DERA: variants seen among roughly 807,000 people sequenced by gnomAD.
DERA encodes the protein 2-deoxy-D-ribose 5-phosphate aldolase.
A neutral mutation model predicts 41.1 loss-of-function variants in DERA; 15 were observed. The ratio of observed to expected loss-of-function variants is 0.37; its 90% CI spans 0.24 to 0.56. The LOEUF (loss-of-function observed/expected upper bound fraction) is 0.56, where lower values mean the gene tolerates loss of function less well. Ranked by LOEUF, DERA falls within the 20% of genes least tolerant of loss-of-function variation. DERA has a pLI of 0.81. For missense variants in DERA, 396 were observed against 403.4 expected (o/e 0.98, Z 0.16); for synonymous variants, 139 against 137.4 (o/e 1.01, Z -0.08).
rs1027307669 is a variant in DERA, at chr12:15,976,324, A to G, written c.509-5984A>G. Reference sequence around the variant, plus strand: ...GGTTGTCTTCCTGGCTCTACTTGCCAAGTCCTCCCCAACCCCTAGAATTTT... The same window carrying G: ...GGTTGTCTTCCTGGCTCTACTTGCCGAGTCCTCCCCAACCCCTAGAATTTT... On this transcript the variant is annotated intron_variant, in intron 5 of 8. Coordinates refer to ENST00000428559, the MANE Select transcript of DERA (RefSeq NM_015954.4). This position sits in a 1 kb window ranked among gnomAD's most constrained non-coding sequence, Gnocchi z 4.1. Among the ~76,000 whole-genome samples, 1 of 152,138 alleles carries G rather than the reference A, an allele frequency of 6.6e-6. No individual in the cohort carries two copies. Among genetic ancestry groups the G allele is most frequent in the Non-Finnish European group, 1.5e-5 (1 of 68,026 alleles).
intron 1 of DERA, among the ~76,000 whole-genome samples, chr12:15,953,584 A>T (rs185862090): frequency 2.0e-5 from 3 of 152,292 alleles, no homozygotes; most frequent in Admixed American, 1.3e-4. Context: ...ATTTTAAGAG[A>T]AGATATCATT....
chr12:15,961,032 T>C (rs142513545), intron 4 of DERA, among the ~76,000 whole-genome samples: 89 of 152,304 alleles, frequency 5.8e-4, no homozygotes, highest in Non-Finnish European at 1.1e-3. Context: ...ATTCTGATGA[T>C]AGGGAAGACA....
rs73303389 is a variant in DERA, at chr12:16,011,696, A to G, written c.638-20846A>G. The stretch of plus-strand genomic sequence containing the variant: ...AATCCCTTCATCAATAAGGTCAGCT[A>G]TAGGAACTGGCCAAGAAGGAAAAAT... On this transcript the variant is annotated intron_variant, in intron 6 of 8. Transcript: ENST00000428559. This position sits in a 1 kb window ranked among gnomAD's most constrained non-coding sequence, Gnocchi z 4.7. Among the ~76,000 whole-genome samples, 2,709 of 152,340 alleles carry G rather than the reference A, an allele frequency of 0.018. 85 individuals carry two copies. Among genetic ancestry groups the G allele is most frequent in the African/African-American group, 0.062 (2,587 of 41,574 alleles).
chr12:15,977,370 GA>G (rs2136159053), intron 5 of DERA, among the ~76,000 whole-genome samples: 1 of 152,332 alleles, frequency 6.6e-6, no homozygotes, highest in African/African-American at 2.4e-5. Context: ...TTCCACGTAT[GA>G]AGACATGACT....
At position 15,990,078 on chromosome 12, in the gene DERA, A is replaced by G. The variant is rs1013152055; in HGVS notation, c.637+7642A>G. 6.6e-6 allele frequency among the ~76,000 whole-genome samples: 1 copy of G among 152,216 alleles called. No homozygotes were observed. The highest frequency in any genetic ancestry group is 2.4e-5 in the African/African-American group (1 of 41,456). ...AATAAAGTACTTTGCAAGTTATTGA[A>G]AAATATTAGTATACCTTCCTTCTCC... On this transcript the variant is annotated intron_variant, in intron 6 of 8. Coordinates refer to ENST00000428559, the MANE Select transcript of DERA (RefSeq NM_015954.4). This position sits in a 1 kb window ranked among gnomAD's most constrained non-coding sequence, Gnocchi z 4.3.
intron 1 of DERA, among the ~76,000 whole-genome samples, chr12:15,955,213 C>T (rs754240327): frequency 3.3e-5 from 5 of 151,078 alleles, no homozygotes; most frequent in African/African-American, 4.9e-5. Context: ...GGCATGAGTT[C>T]GTTTGAACCC....
At chr12:15,968,331 A>T (rs1198863671) in intron 5 of DERA, among the ~76,000 whole-genome samples, 1 of 152,210 alleles carries the variant, frequency 6.6e-6, no homozygotes, top group African/African-American at 2.4e-5. Flanking sequence ...GGAGAGTTTG[A>T]TGAATAAAGT....
Position 15,982,631 on chromosome 12 carries a change from T to G in DERA, c.637+195T>G, listed in dbSNP as rs369991079. On this transcript the variant is annotated intron_variant, in intron 6 of 8. Transcript: ENST00000428559. The surrounding 1 kb of genome is among the most constrained non-coding windows in gnomAD (Gnocchi z 4.0). ...TCCTGGCTTTCTTCCACATTTTTTT[T>G]TGTGTGTGTGTGGCATTTCATTGCT... is the stretch of plus-strand genomic sequence containing the variant. 3.7e-4 allele frequency among the ~76,000 whole-genome samples: 56 copies of G among 152,236 alleles called. No homozygotes were observed. Among genetic ancestry groups the G allele is most frequent in the East Asian group, 9.6e-4 (5 of 5,188 alleles).
Position 16,035,384 on chromosome 12 carries a change from G to T in DERA, c.751-848G>T, listed in dbSNP as rs935565584. Among the ~76,000 whole-genome samples, 3 of 152,192 alleles carry T rather than the reference G, an allele frequency of 2.0e-5. No homozygotes were observed. The highest frequency in any genetic ancestry group is 6.5e-5 in the Admixed American group (1 of 15,278). On this transcript the variant is annotated intron_variant, in intron 7 of 8. Coordinates refer to ENST00000428559, the MANE Select transcript of DERA (RefSeq NM_015954.4). The surrounding 1 kb of genome is among the most constrained non-coding windows in gnomAD (Gnocchi z 4.1). ...AGAGATTTAGTACTCAGGCTCTGAG[G>T]TGTTGTTTTGACCACTACCATCTAC... is the stretch of plus-strand genomic sequence containing the variant.
rs751467296 is a variant in DERA, at chr12:15,993,044, C to T, written c.637+10608C>T. Among the ~76,000 whole-genome samples the T allele has an allele frequency of 2.0e-5, 3 of 152,074 alleles. No individual in the cohort carries two copies. Among genetic ancestry groups the T allele is most frequent in the Non-Finnish European group, 4.4e-5 (3 of 67,994 alleles). On this transcript the variant is annotated intron_variant, in intron 6 of 8. Transcript: ENST00000428559. This position sits in a 1 kb window ranked among gnomAD's most constrained non-coding sequence, Gnocchi z 4.4. The stretch of plus-strand genomic sequence containing the variant: ...GAAGGAATACAAAATGAGTTTTGAA[C>T]TTGGCTGGAATTTTGCAACGTGTAG...
rs565092489 is a variant in DERA, at chr12:15,922,828, T to A, written c.31+11414T>A. ...AGTACATTGGCTTGTACTTTCCAAG[T>A]CTGTAAAACAGACACACGAGAATGT... is the stretch of plus-strand genomic sequence containing the variant. On this transcript the variant is annotated intron_variant, in intron 1 of 8. Transcript: ENST00000428559. The surrounding 1 kb of genome is among the most constrained non-coding windows in gnomAD (Gnocchi z 4.9). 6.6e-6 allele frequency among the ~76,000 whole-genome samples: 1 copy of A among 152,154 alleles called. No individual in the cohort carries two copies. Among genetic ancestry groups the A allele is most frequent in the East Asian group, 1.9e-4 (1 of 5,170 alleles).
intron 6 of DERA, among the ~76,000 whole-genome samples, chr12:16,028,907 A>G (rs1949071465): frequency 6.6e-6 from 1 of 152,194 alleles, no homozygotes; most frequent in Admixed American, 6.5e-5. Flanking sequence ...AGGCCTGACA[A>G]ATGTAGTATG....
intron 1 of DERA, among the ~76,000 whole-genome samples, chr12:15,929,011 G>A (rs1948307902): frequency 6.6e-6 from 1 of 152,166 alleles, no homozygotes; most frequent in Admixed American, 6.5e-5. Context: ...AGCTCCTTTA[G>A]AGCACTGGCT....
intron 5 of DERA, among the ~76,000 whole-genome samples, chr12:15,963,191 T>A (rs879069524): frequency 2.0e-5 from 3 of 152,218 alleles, no homozygotes; most frequent in Non-Finnish European, 4.4e-5. Context: ...GTTACTTCCA[T>A]GCAATAGATT....
At chr12:15,912,268 C>T (rs1463551758) in intron 1 of DERA, among the ~76,000 whole-genome samples, 2 of 152,116 alleles carry the variant, frequency 1.3e-5, no homozygotes, top group African/African-American at 4.8e-5. Flanking sequence ...GCACATCTTG[C>T]ACCGCCCTTA....
At chr12:15,929,488 A>G (rs1378271897) in intron 1 of DERA, among the ~76,000 whole-genome samples, 1 of 152,110 alleles carries the variant, frequency 6.6e-6, no homozygotes, top group Non-Finnish European at 1.5e-5. Context: ...TTGGGAGACA[A>G]TATCAGCTCA....
chr12:16,021,150 G>A lies in DERA; in HGVS notation c.638-11392G>A, dbSNP rs577196292. ...AAGACTGTGGGGAAAAGACTTGAAGGCATTTCAGAGGTCTTCGAAGCAGCC... is the reference window on the plus strand; with the variant it reads ...AAGACTGTGGGGAAAAGACTTGAAGACATTTCAGAGGTCTTCGAAGCAGCC... On this transcript the variant is annotated intron_variant, in intron 6 of 8. Coordinates refer to ENST00000428559, the MANE Select transcript of DERA (RefSeq NM_015954.4). The surrounding 1 kb of genome is among the most constrained non-coding windows in gnomAD (Gnocchi z 5.3). Among the ~76,000 whole-genome samples the A allele has an allele frequency of 6.6e-6, 1 of 152,306 alleles. No individual in the cohort carries two copies. Among genetic ancestry groups the A allele is most frequent in the African/African-American group, 2.4e-5 (1 of 41,566 alleles).
chr12:16,033,369 G>T (rs2136190541), intron 7 of DERA, among the ~76,000 whole-genome samples: 1 of 152,290 alleles, frequency 6.6e-6, no homozygotes, highest in Admixed American at 6.5e-5. Flanking sequence ...GTGCTCTTTG[G>T]AAGACTGTTA....
chr12:16,015,388 C>T (rs1235830492), intron 6 of DERA, among the ~76,000 whole-genome samples: 3 of 152,194 alleles, frequency 2.0e-5, no homozygotes, highest in South Asian at 2.1e-4. Context: ...AGGAAGTTCT[C>T]ACGAGATCTG....
Sources: allele counts gnomAD v4.1 joint callset (sites outside exome capture counted in the v4.1 genomes callset), GRCh38; gene constraint gnomAD v4.1.1; non-coding constraint Gnocchi (gnomAD v3.1); transcripts MANE v1.5; gene names NCBI Gene and HGNC (gene_info 2026-07-23, HGNC 2026-07-21).